Variants in EPB41L1 observed in about 807,000 individuals in gnomAD.
EPB41L1 encodes the protein erythrocyte membrane protein band 4.1 like 1, also known as band 4.1-like protein 1.
Under a neutral mutation model 97.8 loss-of-function variants are expected in EPB41L1, and 29 were observed. That is an observed-to-expected ratio of 0.30 (90% CI 0.22 to 0.40). The LOEUF (loss-of-function observed/expected upper bound fraction) is 0.40. EPB41L1 is among the 10% of genes least tolerant of loss of function. The pLI, the probability that EPB41L1 is intolerant of heterozygous loss-of-function variation, is 1.00. For synonymous variants in EPB41L1, 383 were observed against 459.2 expected (o/e 0.83, Z 2.12); for missense variants, 812 against 1,162.3 (o/e 0.70, Z 4.38).
intron 1 of EPB41L1, among the ~76,000 whole-genome samples, chr20:36,168,446 G>GGGGA (rs1484645447): frequency 6.6e-6 from 1 of 152,032 alleles, no homozygotes; most frequent in Non-Finnish European, 1.5e-5. Context: ...CCGTTCTCAG[G>GGGGA]CCCCTCCTCA....
In EPB41L1 at chr20:36,204,300, G is replaced by A. The variant is rs182107188; in HGVS notation, c.1669-5188G>A. ...TGTATTTCTGTCACATAGCCGACTT[G>A]CATTAAAATTTTGTGGGAAGTATCC... On this transcript the variant is annotated intron_variant, in intron 14 of 21. Transcript: ENST00000338074. 3.6e-4 allele frequency among the ~76,000 whole-genome samples: 55 copies of A among 152,122 alleles called. No individual in the cohort carries two copies. In the East Asian group the frequency reaches 0.01, roughly 28 times the overall value.
At chr20:36,133,314 T>C (rs1257654170) in intron 2 of EPB41L1, among the ~76,000 whole-genome samples, 1 of 152,256 alleles carries the variant, frequency 6.6e-6, no homozygotes, top group Non-Finnish European at 1.5e-5. Context: ...AAGTAAGAGC[T>C]TGTGTTTAGG....
intron 21 of EPB41L1, 75 bp downstream of exon 21, chr20:36,222,469 T>A (rs1299500702): frequency 8.2e-7 from 1 of 1,223,514 alleles, no homozygotes; most frequent in Non-Finnish European, 1.2e-6. Context: ...GCCATTTCCA[T>A]CTGAGAAGCC....
intron 1 of EPB41L1, among the ~76,000 whole-genome samples, chr20:36,160,852 A>G (rs2060498050): frequency 1.3e-5 from 2 of 152,182 alleles, no homozygotes. Flanking sequence ...TGCAATAGGT[A>G]TGTTATACTT....
At chr20:36,177,873 C>A in intron 3 of EPB41L1, 79 bp from the exon 4 acceptor site, 3 of 1,177,634 alleles carry the variant, frequency 2.5e-6, no homozygotes, top group South Asian at 1.2e-5. Flanking sequence ...TTTGAATTGT[C>A]CTGGTGGAGC....
At chr20:36,185,390 C>G in intron 7 of EPB41L1, 55 bp downstream of exon 7, 1 of 1,530,560 alleles carries the variant, frequency 6.5e-7, no homozygotes, top group Non-Finnish European at 8.9e-7. Flanking sequence ...GGGAGCCTTC[C>G]TTGCAGGCCT....
chr20:36,180,923 C>G (rs1321641690), intron 5 of EPB41L1, among the ~76,000 whole-genome samples: 1 of 152,192 alleles, frequency 6.6e-6, no homozygotes, highest in Non-Finnish European at 1.5e-5. Flanking sequence ...GATCCCCATT[C>G]TCTACCACTG....
At chr20:36,133,855 CAAAA>C (rs57803389) in intron 2 of EPB41L1, among the ~76,000 whole-genome samples, 4 of 75,866 alleles carry the variant, frequency 5.3e-5, no homozygotes, top group Admixed American at 2.9e-4. Flanking sequence ...GAGACCCTGT[CAAAA>C]AAAAAAAAAA....
intron 1 of EPB41L1, among the ~76,000 whole-genome samples, chr20:36,159,594 A>G (rs2060449192): frequency 1.3e-5 from 2 of 152,236 alleles, no homozygotes; most frequent in Non-Finnish European, 1.5e-5. Context: ...TCGTCGCAGC[A>G]TGTTGCTCAG....
intron 1 of EPB41L1, among the ~76,000 whole-genome samples, chr20:36,161,273 C>A (rs983710410): frequency 1.1e-4 from 17 of 152,136 alleles, no homozygotes; most frequent in African/African-American, 4.1e-4. Flanking sequence ...CTGCCCACAC[C>A]CAGACTGTCC....
Position 36,099,261 on chromosome 20 carries a change from G to A in EPB41L1, c.-65+7649G>A, listed in dbSNP as rs532058367. Among the ~76,000 whole-genome samples the A allele has an allele frequency of 9.9e-5, 15 of 151,988 alleles. 1 individual carries two copies. The South Asian group carries it at 3.1e-3, about 32-fold the overall frequency. The stretch of plus-strand genomic sequence containing the variant: ...GACTTGATCAAAATAACAGATATGA[G>A]CATGCCTAATGAGGTAGTACACAGT... On this transcript the variant is annotated intron_variant, in intron 1 of 19. Transcript: ENST00000202028.
intron 1 of EPB41L1, among the ~76,000 whole-genome samples, chr20:36,165,682 G>A (rs748749559): frequency 6.6e-6 from 1 of 152,222 alleles, no homozygotes; most frequent in Non-Finnish European, 1.5e-5. Flanking sequence ...CTGGGCGACA[G>A]AGCGAGAATC....
At chr20:36,214,690 A>T (rs1052829666) in intron 17 of EPB41L1, among the ~76,000 whole-genome samples, 6 of 152,132 alleles carry the variant, frequency 3.9e-5, no homozygotes, top group Non-Finnish European at 5.9e-5. Context: ...TATCTAGGCC[A>T]TCTCAGCCAC....
chr20:36,226,821 T>TA (rs1435554297), intron 21 of EPB41L1, among the ~76,000 whole-genome samples: 3 of 152,188 alleles, frequency 2.0e-5, no homozygotes, highest in Non-Finnish European at 2.9e-5. Context: ...TCTATGGGCT[T>TA]ACGAAGACAT....
At chr20:36,117,541 A>G (rs2058623846) in intron 2 of EPB41L1, among the ~76,000 whole-genome samples, 1 of 152,226 alleles carries the variant, frequency 6.6e-6, no homozygotes, top group African/African-American at 2.4e-5. Flanking sequence ...TTTTCAATTT[A>G]TCATCTCATC....
At chr20:36,155,286 A>T (rs1335744055) in intron 1 of EPB41L1, 2 of 417,880 alleles carry the variant, frequency 4.8e-6, no homozygotes, top group Non-Finnish European at 9.6e-6. Flanking sequence ...GGAGCCTGGG[A>T]TGCTGGCGAG....
At chr20:36,163,826 C>T (rs1163139943) in intron 1 of EPB41L1, among the ~76,000 whole-genome samples, 1 of 152,028 alleles carries the variant, frequency 6.6e-6, no homozygotes, top group Non-Finnish European at 1.5e-5. Flanking sequence ...GGATCTCTCT[C>T]CTTCCACCTT....
chr20:36,122,630 A>T (rs1266161570), intron 2 of EPB41L1: 1 of 151,766 alleles, frequency 6.6e-6, no homozygotes, highest in Non-Finnish European at 1.5e-5. Context: ...TTACCCCCAT[A>T]CCCCCAAATC....
rs1196616746 is a variant in EPB41L1 at position 36,231,606 on chromosome 20, CCTTAGCTG to C, written c.*2275_*2282del. ...TTTGGCTTGTCAGTGATGACATACA[CCTTAGCTG>C]CTTAGCTGGTGCTGGCCTGAGGCAG... On this transcript the variant is annotated 3_prime_UTR_variant, in exon 22 of 22. Coordinates refer to ENST00000338074, the MANE Select transcript of EPB41L1 (RefSeq NM_012156.2). The C allele has an allele frequency of 6.6e-6, 1 of 152,318 alleles. No homozygotes were observed. The highest frequency in any genetic ancestry group is 2.4e-5 in the African/African-American group (1 of 41,460). The allele number at this position is 152,318 out of a possible 1,614,324, so 9.4% of individuals were successfully genotyped here.
Sources: allele counts gnomAD v4.1 joint callset (sites outside exome capture counted in the v4.1 genomes callset), GRCh38; gene constraint gnomAD v4.1.1; transcripts MANE v1.5; gene names NCBI Gene and HGNC (gene_info 2026-07-23, HGNC 2026-07-21).